KLF12: variants seen among roughly 807,000 people sequenced by gnomAD.
The protein encoded by KLF12 is KLF transcription factor 12.
KLF12 carries 9 observed loss-of-function variants against 37.8 expected under a neutral mutation model. The ratio of observed to expected loss-of-function variants is 0.24; its 90% CI spans 0.14 to 0.42. KLF12 has a LOEUF of 0.42. KLF12 is among the 10% of genes least tolerant of loss of function. The pLI is 1.00. For synonymous variants in KLF12, 208 were observed against 202.1 expected, an observed-to-expected ratio of 1.03 and a Z score of -0.25; for missense variants, 411 against 516.0, an observed-to-expected ratio of 0.80 and a Z score of 1.97.
intron 1 of KLF12, among the ~76,000 whole-genome samples, chr13:74,002,258 G>T (rs1892299494): frequency 1.3e-5 from 2 of 152,204 alleles, no homozygotes; most frequent in African/African-American, 4.8e-5. Context: ...AAGCAAATTA[G>T]TAGACTGTCA....
chr13:73,882,466 T>C (rs1026535822), intron 3 of KLF12, among the ~76,000 whole-genome samples: 1 of 152,232 alleles, frequency 6.6e-6, no homozygotes, highest in Non-Finnish European at 1.5e-5. Context: ...TAAATAATTC[T>C]GAATTTAAAA....
At chr13:74,034,294 C>A (rs561248702) in intron 1 of KLF12, among the ~76,000 whole-genome samples, 75 of 152,222 alleles carry the variant, frequency 4.9e-4, no homozygotes, top group Non-Finnish European at 7.6e-4. Context: ...GTCTTGAACT[C>A]CTTACCTCAG....
chr13:73,822,005 T>A (rs936021250), intron 4 of KLF12, among the ~76,000 whole-genome samples: 1 of 152,200 alleles, frequency 6.6e-6, no homozygotes, highest in South Asian at 2.1e-4. Flanking sequence ...AATTATGCTG[T>A]TTACTCCTTG....
chr13:73,992,844 T>A (rs1892005939), intron 2 of KLF12, among the ~76,000 whole-genome samples: 1 of 152,222 alleles, frequency 6.6e-6, no homozygotes, highest in Admixed American at 6.5e-5. Context: ...ACTAACAGCA[T>A]CTGATTCAAG....
chr13:74,028,612 C>T (rs1462726048), intron 1 of KLF12, among the ~76,000 whole-genome samples: 2 of 151,890 alleles, frequency 1.3e-5, no homozygotes, highest in East Asian at 3.8e-4. Context: ...TATTGAAAGA[C>T]TATAAGGATT....
At chr13:73,733,255 G>A (rs1204080979) in intron 6 of KLF12, among the ~76,000 whole-genome samples, 1 of 152,082 alleles carries the variant, frequency 6.6e-6, no homozygotes. Flanking sequence ...TACATGTAGA[G>A]CTTCTTCATC....
intron 1 of KLF12, among the ~76,000 whole-genome samples, chr13:74,083,796 G>T (rs1016706182): frequency 1.3e-5 from 2 of 152,176 alleles, no homozygotes; most frequent in Non-Finnish European, 2.9e-5. Context: ...AAGTAACTGT[G>T]AAATAGAAGT....
chr13:74,007,214 G>A (rs1892429849), intron 1 of KLF12, among the ~76,000 whole-genome samples: 1 of 149,392 alleles, frequency 6.7e-6, no homozygotes, highest in Non-Finnish European at 1.5e-5. Context: ...ATTTTGTGGT[G>A]AAATACTGAA....
At chr13:73,836,753 G>A (rs1443909878) in intron 4 of KLF12, among the ~76,000 whole-genome samples, 1 of 152,066 alleles carries the variant, frequency 6.6e-6, no homozygotes, top group East Asian at 1.9e-4. Flanking sequence ...AATCCAATAT[G>A]TAACATTCAA....
At chr13:74,100,610 C>A (rs1161343446) in intron 1 of KLF12, among the ~76,000 whole-genome samples, 4 of 126,182 alleles carry the variant, frequency 3.2e-5, no homozygotes, top group African/African-American at 7.4e-5. Flanking sequence ...GAGCAAGAGT[C>A]CATCTCAAAT....
chr13:73,823,295 A>G (rs1002805000), intron 4 of KLF12, among the ~76,000 whole-genome samples: 1 of 152,146 alleles, frequency 6.6e-6, no homozygotes, highest in African/African-American at 2.4e-5. Context: ...AGAGCAAAAA[A>G]TCCACCTCGA....
At chr13:73,731,314 T>C (rs1877037960) in intron 6 of KLF12, among the ~76,000 whole-genome samples, 1 of 152,068 alleles carries the variant, frequency 6.6e-6, no homozygotes, top group East Asian at 1.9e-4. Flanking sequence ...ATGTAAACAA[T>C]ACATTTATGT....
the KLF12 span, among the ~76,000 whole-genome samples, chr13:74,290,296 C>A: frequency 1.1e-3 from 170 of 152,330 alleles, 4 homozygotes; most frequent in South Asian, 0.025. Context: ...TTGAACTCAG[C>A]CACAGATTCT....
At chr13:74,267,591 A>G in the KLF12 span, among the ~76,000 whole-genome samples, 4 of 152,200 alleles carry the variant, frequency 2.6e-5, no homozygotes, top group Admixed American at 2.0e-4. Flanking sequence ...GTGTAGGGGG[A>G]AGGAGGGATG....
chr13:74,163,699 A>G, the KLF12 span, among the ~76,000 whole-genome samples: 52 of 152,226 alleles, frequency 3.4e-4, no homozygotes, highest in African/African-American at 1.2e-3. Flanking sequence ...ACTTAATTGC[A>G]TATTTCAAAA....
chr13:74,186,031 A>G, the KLF12 span, among the ~76,000 whole-genome samples: 1 of 152,304 alleles, frequency 6.6e-6, no homozygotes, highest in South Asian at 2.1e-4. Flanking sequence ...AGCTATGACT[A>G]ATGATTAATG....
intron 3 of KLF12, among the ~76,000 whole-genome samples, chr13:73,933,530 C>T (rs965604690): frequency 3.3e-5 from 5 of 152,182 alleles, no homozygotes; most frequent in Admixed American, 3.3e-4. Flanking sequence ...AGGCAATCAA[C>T]AGGACTGGCA....
intron 1 of KLF12, among the ~76,000 whole-genome samples, chr13:74,092,090 C>A (rs777219587): frequency 4.5e-4 from 68 of 149,838 alleles, no homozygotes; most frequent in Non-Finnish European, 7.5e-4. Flanking sequence ...GAGATCGAGA[C>A]CATCCTGGCT....
the KLF12 span, among the ~76,000 whole-genome samples, chr13:74,149,735 T>C: frequency 3.7e-4 from 57 of 152,306 alleles, 1 homozygote; most frequent in East Asian, 0.01. Flanking sequence ...GCAAAGTCCT[T>C]GTAAGACTTC....
Sources: allele counts gnomAD v4.1 joint callset (sites outside exome capture counted in the v4.1 genomes callset), GRCh38; gene constraint gnomAD v4.1.1; transcripts MANE v1.5; gene names NCBI Gene and HGNC (gene_info 2026-07-23, HGNC 2026-07-21).